The following EYS variants were observed in gnomAD, a reference collection of about 807,000 sequenced individuals.
The protein encoded by EYS is protein eyes shut homolog.
In EYS, 250 loss-of-function variants were observed where a neutral mutation model predicts 282.1. The ratio of observed to expected loss-of-function variants is 0.89; its 90% CI spans 0.80 to 0.98. EYS has a LOEUF of 0.98. Among genes scored for constraint, EYS ranks in the 50% least tolerant of loss-of-function variants. EYS has a pLI of 0.00. For synonymous variants in EYS, 1,355 were observed against 1,282.9 expected (o/e 1.06, Z -1.20); for missense variants, 4,016 against 3,709.0 (o/e 1.08, Z -2.15).
intron 19 of EYS, among the ~76,000 whole-genome samples, chr6:64,834,585 G>A (rs1470683482): frequency 6.6e-6 from 1 of 151,712 alleles, no homozygotes; most frequent in Non-Finnish European, 1.5e-5. Flanking sequence ...CATCTTATTG[G>A]AGGTGCTTGC....
chr6:64,891,393 G>T (rs528506157), intron 18 of EYS, among the ~76,000 whole-genome samples: 27 of 152,004 alleles, frequency 1.8e-4, no homozygotes, highest in African/African-American at 6.3e-4. Context: ...CCCTCCACCT[G>T]CCCTGCCCTG....
chr6:64,514,038 T>C lies in EYS; in HGVS notation c.5645-74686A>G, dbSNP rs147852313. ...ATAATGTAGAAATAATTACGATGCC[T>C]TTTAATATATCCTTCATTGAATCAT... On this transcript the variant is annotated intron_variant, in intron 26 of 42. Coordinates refer to ENST00000503581, the MANE Select transcript of EYS (RefSeq NM_001142800.2). Among the ~76,000 whole-genome samples, 629 of 151,860 alleles carry C rather than the reference T, an allele frequency of 4.1e-3. 4 individuals carry two copies. The highest frequency in any genetic ancestry group is 6.1e-3 in the Non-Finnish European group (415 of 67,788).
intron 22 of EYS, among the ~76,000 whole-genome samples, chr6:64,660,969 A>C (rs9354015): frequency 6.6e-6 from 1 of 152,244 alleles, no homozygotes; most frequent in East Asian, 1.9e-4. Context: ...GAGGCATCAC[A>C]CTACCTGACT....
At chr6:64,715,524 CACAG>C (rs1771359542) in intron 22 of EYS, among the ~76,000 whole-genome samples, 2 of 152,188 alleles carry the variant, frequency 1.3e-5, no homozygotes, top group African/African-American at 4.8e-5. Context: ...CCTCTTCTAG[CACAG>C]ACAAAGTTGA....
intron 12 of EYS, among the ~76,000 whole-genome samples, chr6:65,283,233 G>T (rs1312317372): frequency 1.3e-5 from 2 of 151,316 alleles, no homozygotes; most frequent in Admixed American, 6.6e-5. Context: ...TGATCTTTTT[G>T]GCACTGAACT....
Position 63,784,668 on chromosome 6 carries a change from C to G in EYS, c.7723+3437G>C, listed in dbSNP as rs758132698. On this transcript the variant is annotated intron_variant, in intron 39 of 42. Coordinates refer to ENST00000503581, the MANE Select transcript of EYS (RefSeq NM_001142800.2). Reference sequence around the variant, plus strand: ...TCATGAGAACGCACTATCACAAGAACAGCAAGGGGGAAATCTACCCCCATG... The same window carrying G: ...TCATGAGAACGCACTATCACAAGAAGAGCAAGGGGGAAATCTACCCCCATG... Among the ~76,000 whole-genome samples the G allele has an allele frequency of 2.8e-4, 43 of 151,928 alleles. No individual in the cohort carries two copies. In the Middle Eastern group the frequency reaches 0.01, roughly 36 times the overall value.
intron 33 of EYS, among the ~76,000 whole-genome samples, chr6:64,033,682 A>AC (rs55678579): frequency 0.43 from 65,360 of 151,758 alleles, 15,436 homozygotes; most frequent in African/African-American, 0.64. Flanking sequence ...CAGATCAGAT[A>AC]GGTTGCTACA....
chr6:63,852,678 A>G (rs1049428639), intron 36 of EYS, among the ~76,000 whole-genome samples: 2 of 152,060 alleles, frequency 1.3e-5, no homozygotes, highest in Non-Finnish European at 2.9e-5. Context: ...AGACACAACA[A>G]AAAAAGAAAA....
chr6:65,597,494 T>C (rs1282724826), intron 2 of EYS, among the ~76,000 whole-genome samples: 1 of 152,146 alleles, frequency 6.6e-6, no homozygotes, highest in Non-Finnish European at 1.5e-5. Flanking sequence ...TACTGATGAA[T>C]GAATGGATAG....
At chr6:65,704,675 C>T (rs890350936) in intron 1 of EYS, among the ~76,000 whole-genome samples, 1 of 152,100 alleles carries the variant, frequency 6.6e-6, no homozygotes, top group Non-Finnish European at 1.5e-5. Flanking sequence ...GAATAGACAC[C>T]TTCTATTCAT....
At chr6:64,045,197 A>G (rs1014955591) in intron 33 of EYS, among the ~76,000 whole-genome samples, 1 of 152,052 alleles carries the variant, frequency 6.6e-6, no homozygotes, top group African/African-American at 2.4e-5. Flanking sequence ...TTGCCATCTG[A>G]TAATGAAAAC....
chr6:64,078,315 T>C (rs1018739511), intron 32 of EYS, among the ~76,000 whole-genome samples: 1 of 152,074 alleles, frequency 6.6e-6, no homozygotes, highest in Non-Finnish European at 1.5e-5. Flanking sequence ...TCTGTTTTAA[T>C]TTTCTCACTA....
intron 22 of EYS, among the ~76,000 whole-genome samples, chr6:64,709,130 A>C (rs1326350578): frequency 6.6e-6 from 1 of 152,218 alleles, no homozygotes; most frequent in Non-Finnish European, 1.5e-5. Context: ...AATGATGACC[A>C]AATGGGTACA....
chr6:64,109,060 A>G (rs1450762541), intron 31 of EYS, among the ~76,000 whole-genome samples: 2 of 152,116 alleles, frequency 1.3e-5, no homozygotes, highest in Non-Finnish European at 2.9e-5. Flanking sequence ...CTATAACTTC[A>G]GAGACCTTCC....
intron 31 of EYS, among the ~76,000 whole-genome samples, chr6:64,151,834 T>G (rs2150295071): frequency 6.6e-6 from 1 of 152,320 alleles, no homozygotes; most frequent in African/African-American, 2.4e-5. Context: ...ATATATTGTC[T>G]TATTTGAATT....
chr6:64,302,701 A>T (rs2150373416), intron 30 of EYS, among the ~76,000 whole-genome samples: 1 of 152,318 alleles, frequency 6.6e-6, no homozygotes, highest in Middle Eastern at 3.4e-3. Context: ...GGGGAGTATG[A>T]GTAAGGACCC....
chr6:64,248,114 T>C (rs528586102), intron 30 of EYS, among the ~76,000 whole-genome samples: 21 of 152,206 alleles, frequency 1.4e-4, no homozygotes, highest in Admixed American at 2.6e-4. Flanking sequence ...GATTAAGTTA[T>C]GTGTTTAAAA....
At chr6:65,503,057 T>C (rs1766515247) in intron 2 of EYS, among the ~76,000 whole-genome samples, 1 of 151,650 alleles carries the variant, frequency 6.6e-6, no homozygotes, top group Non-Finnish European at 1.5e-5. Flanking sequence ...TTTTCCAAAG[T>C]GGTGGTACCA....
chr6:65,496,548 C>T (rs1488829061), intron 2 of EYS, among the ~76,000 whole-genome samples: 1 of 151,974 alleles, frequency 6.6e-6, no homozygotes, highest in African/African-American at 2.4e-5. Flanking sequence ...TTATGTTATT[C>T]ATTTGTTTAA....
Sources: gnomAD v4.1 joint callset for allele counts (sites outside exome capture counted in the v4.1 genomes callset) on GRCh38, gnomAD v4.1.1 for gene constraint, MANE v1.5 for transcripts, NCBI Gene and HGNC (gene_info 2026-07-23, HGNC 2026-07-21) for gene names.